Variants in KCNMA1 observed in about 807,000 individuals in gnomAD.
The protein encoded by KCNMA1 is potassium calcium-activated channel subfamily M alpha 1, also known as Calcium-activated potassium channel subunit alpha-1.
KCNMA1 carries 29 observed loss-of-function variants against 140.0 expected under a neutral mutation model. That is an observed-to-expected ratio of 0.21 (90% confidence interval 0.15 to 0.28). The LOEUF (loss-of-function observed/expected upper bound fraction) is 0.28. KCNMA1 is among the 10% of genes least tolerant of loss of function. The pLI, the probability that KCNMA1 is intolerant of heterozygous loss-of-function variation, is 1.00. For synonymous variants in KCNMA1, 612 were observed against 611.9 expected (o/e 1.00, Z 0.00); for missense variants, 880 against 1,602.2 (o/e 0.55, Z 7.70).
At chr10:77,294,416 G>A (rs772376119) in intron 2 of KCNMA1, among the ~76,000 whole-genome samples, 7 of 152,172 alleles carry the variant, frequency 4.6e-5, no homozygotes, top group Non-Finnish European at 7.3e-5. Context: ...CCAGGCCCAG[G>A]TGCCATGGTC....
intron 5 of KCNMA1, chr10:77,148,304 T>A (rs1033848804): frequency 2.0e-5 from 3 of 152,186 alleles, no homozygotes; most frequent in Non-Finnish European, 4.4e-5. Flanking sequence ...CGGCTTTGAA[T>A]AAAGACTGAA....
chr10:77,637,777 G>C lies in KCNMA1; in HGVS notation c.-135C>G. 4 of 1,291,092 alleles carry C rather than the reference G, an allele frequency of 3.1e-6. No homozygotes were observed. The highest frequency in any genetic ancestry group is 3.9e-6 in the Non-Finnish European group (4 of 1,028,854). The allele number at this position is 1,291,092 out of a possible 1,614,324, so 80.0% of individuals were successfully genotyped here. ...CGCCGCCGCGGAGCGCGGGAGGGGG[G>C]CGGGGAGGCGCCTGGGCTCGGGGCG... On this transcript the variant is annotated 5_prime_UTR_variant, in exon 1 of 28. Coordinates refer to ENST00000286628, the MANE Select transcript of KCNMA1 (RefSeq NM_001161352.2).
At chr10:77,598,040 C>T (rs1398896538) in intron 1 of KCNMA1, among the ~76,000 whole-genome samples, 1 of 152,158 alleles carries the variant, frequency 6.6e-6, no homozygotes, top group Non-Finnish European at 1.5e-5. Context: ...GGCGCGATCT[C>T]GGTTCACTGC....
At chr10:77,447,643 C>T (rs1027608650) in intron 1 of KCNMA1, among the ~76,000 whole-genome samples, 9 of 152,184 alleles carry the variant, frequency 5.9e-5, no homozygotes, top group Non-Finnish European at 1.3e-4. Flanking sequence ...AATCACACAG[C>T]ATGCTGGCTC....
intron 1 of KCNMA1, among the ~76,000 whole-genome samples, chr10:77,510,317 T>C (rs1473985260): frequency 6.6e-6 from 1 of 152,062 alleles, no homozygotes; most frequent in Non-Finnish European, 1.5e-5. Context: ...TCTGGAATTG[T>C]GCATAGCTTC....
intron 5 of KCNMA1, among the ~76,000 whole-genome samples, chr10:77,161,656 T>C (rs1171998109): frequency 1.3e-5 from 2 of 152,240 alleles, no homozygotes. Context: ...AATTCAGTTA[T>C]GAGTGTGTTT....
intron 3 of KCNMA1, among the ~76,000 whole-genome samples, chr10:77,227,732 T>A (rs2051993371): frequency 6.6e-6 from 1 of 152,140 alleles, no homozygotes; most frequent in Non-Finnish European, 1.5e-5. Flanking sequence ...AATGCTCCAT[T>A]TGAACTGAAT....
chr10:77,467,552 TGTG>T (rs2098055670), intron 1 of KCNMA1, among the ~76,000 whole-genome samples: 1 of 152,246 alleles, frequency 6.6e-6, no homozygotes, highest in East Asian at 1.9e-4. Context: ...ATCACAGTTG[TGTG>T]GACACACAGA....
chr10:77,284,521 T>G (rs1006815577), intron 2 of KCNMA1, among the ~76,000 whole-genome samples: 3 of 152,124 alleles, frequency 2.0e-5, no homozygotes, highest in African/African-American at 4.8e-5. Context: ...TTATTATTAT[T>G]ATTATTGCTC....
rs541024046 is a variant in KCNMA1 at position 77,011,678 on chromosome 10, T to G, written c.2092+289A>C. 1.1e-3 allele frequency among the ~76,000 whole-genome samples: 164 copies of G among 152,284 alleles called. 5 individuals are homozygous for G. In the South Asian group the frequency reaches 0.033, roughly 31 times the overall value. On this transcript the variant is annotated intron_variant, in intron 18 of 27. Transcript: ENST00000286628. ...TTCTCCTCCTTATTATACATCATAC[T>G]TGTCTCTGTTAGACTGGACACATCT... is the stretch of plus-strand genomic sequence containing the variant.
chr10:77,587,692 C>G, intron 1 of KCNMA1: 1 of 985,388 alleles, frequency 1.0e-6, no homozygotes, highest in South Asian at 4.7e-5. Context: ...CACATCAGAT[C>G]TGCTCCCAGT....
chr10:77,179,985 C>A (rs981522784), intron 5 of KCNMA1, among the ~76,000 whole-genome samples: 1 of 152,188 alleles, frequency 6.6e-6, no homozygotes, highest in Non-Finnish European at 1.5e-5. Flanking sequence ...CATATGCCGA[C>A]AATTGAAAAC....
At chr10:77,349,796 C>T (rs1303546681) in intron 2 of KCNMA1, among the ~76,000 whole-genome samples, 1 of 152,068 alleles carries the variant, frequency 6.6e-6, no homozygotes, top group East Asian at 1.9e-4. Context: ...CTTTCCAGGC[C>T]CAGAATCAAC....
intron 1 of KCNMA1, chr10:77,433,920 C>T (rs1217117181): frequency 6.6e-6 from 1 of 152,160 alleles, no homozygotes; most frequent in Non-Finnish European, 1.5e-5. Context: ...TCCTAATGGT[C>T]CCGAGGCTGA....
intron 1 of KCNMA1, among the ~76,000 whole-genome samples, chr10:77,540,121 C>G (rs531849820): frequency 6.6e-6 from 1 of 152,338 alleles, no homozygotes; most frequent in African/African-American, 2.4e-5. Flanking sequence ...ATTTCACAGA[C>G]CTGGGTTGCT....
At chr10:77,386,086 C>G (rs1267656345) in intron 2 of KCNMA1, among the ~76,000 whole-genome samples, 1 of 152,232 alleles carries the variant, frequency 6.6e-6, no homozygotes, top group African/African-American at 2.4e-5. Flanking sequence ...GGAGCACTCA[C>G]TGGGCACTTT....
chr10:76,946,460 G>A (rs1431708380), intron 22 of KCNMA1, among the ~76,000 whole-genome samples: 3 of 152,164 alleles, frequency 2.0e-5, no homozygotes, highest in Admixed American at 2.0e-4. Context: ...AAAGAGACTT[G>A]GCTGCAGAGA....
intron 5 of KCNMA1, among the ~76,000 whole-genome samples, chr10:77,165,958 GTC>G (rs2098637013): frequency 6.6e-6 from 1 of 152,138 alleles, no homozygotes; most frequent in South Asian, 2.1e-4. Context: ...TTTCAGAACA[GTC>G]TGGGGAAAAT....
intron 2 of KCNMA1, among the ~76,000 whole-genome samples, chr10:77,295,992 T>C (rs1429208897): frequency 1.3e-5 from 2 of 152,046 alleles, no homozygotes; most frequent in African/African-American, 4.8e-5. Context: ...GAGGCTCTGG[T>C]AAATAAACCG....
Sources: gnomAD v4.1 joint callset for allele counts (sites outside exome capture counted in the v4.1 genomes callset) on GRCh38, gnomAD v4.1.1 for gene constraint, MANE v1.5 for transcripts, NCBI Gene and HGNC (gene_info 2026-07-23, HGNC 2026-07-21) for gene names.